Variants in KLRG1 observed in about 807,000 individuals in gnomAD.
KLRG1 encodes the protein killer cell lectin like receptor G1.
Under a neutral mutation model 21.8 loss-of-function variants are expected in KLRG1, and 16 were observed. The ratio of observed to expected loss-of-function variants is 0.73; its 90% CI spans 0.50 to 1.11. The LOEUF (loss-of-function observed/expected upper bound fraction) is 1.11, where lower values mean the gene tolerates loss of function less well. KLRG1 is among the 50% of genes most tolerant of loss of function. The pLI, the probability that KLRG1 is intolerant of heterozygous loss-of-function variation, is 0.00. For missense variants in KLRG1, 173 were observed against 218.3 expected (o/e 0.79, Z 1.31); for synonymous variants, 69 against 75.9 (o/e 0.91, Z 0.47).
At chr12:9,079,542 A>G in the KLRG1 span, 3 of 1,212,248 alleles carry the variant, frequency 2.5e-6, no homozygotes, top group Non-Finnish European at 3.5e-6. Context: ...ATAGTGAGCT[A>G]AGCTAATGTA....
chr12:9,075,793 T>C, the KLRG1 span, among the ~76,000 whole-genome samples: 3 of 152,316 alleles, frequency 2.0e-5, no homozygotes, highest in African/African-American at 7.2e-5. Context: ...GGATAATGAT[T>C]GCCTCTGGAG....
downstream of KLRG1, among the ~76,000 whole-genome samples, chr12:9,015,256 A>G (rs1371357404): frequency 6.6e-6 from 1 of 152,176 alleles, no homozygotes; most frequent in African/African-American, 2.4e-5. Context: ...TCTGTCACCT[A>G]CAAGAAACAC....
the KLRG1 span, among the ~76,000 whole-genome samples, chr12:9,092,975 G>A: frequency 6.6e-6 from 1 of 152,198 alleles, no homozygotes; most frequent in Non-Finnish European, 1.5e-5. Flanking sequence ...ACCTGGGGGA[G>A]ATTATGCTAA....
At chr12:9,165,215 A>G in the KLRG1 span, 2 of 1,614,084 alleles carry the variant, frequency 1.2e-6, no homozygotes, top group Non-Finnish European at 1.7e-6. Context: ...AGAGTAAGGC[A>G]TTGTGAGCTC....
chr12:9,157,508 G>A, the KLRG1 span, among the ~76,000 whole-genome samples: 2 of 152,130 alleles, frequency 1.3e-5, no homozygotes, highest in Admixed American at 6.5e-5. Context: ...AAAATATTTC[G>A]ATCTCTTCCC....
chr12:9,164,211 T>A, the KLRG1 span: 4 of 1,611,604 alleles, frequency 2.5e-6, no homozygotes, highest in African/African-American at 5.3e-5. Flanking sequence ...TCTCCCTTTG[T>A]ATTTTGGGAA....
chr12:9,073,163 G>T, the KLRG1 span, among the ~76,000 whole-genome samples: 1 of 152,146 alleles, frequency 6.6e-6, no homozygotes, highest in African/African-American at 2.4e-5. Flanking sequence ...CATGTGAATG[G>T]CAATCAGTTA....
chr12:9,200,421 T>C, the KLRG1 span: 2 of 1,611,398 alleles, frequency 1.2e-6, no homozygotes, highest in South Asian at 1.1e-5. Flanking sequence ...CTTTGGCACC[T>C]GAACTTTGAC....
rs775433707 is a variant in KLRG1 at position 9,009,011 on chromosome 12, T to C, written c.394T>C (p.Trp132Arg). ...AGTTTTCCTCAGTGAGGCCTTTTGC[T>C]GGATTGGTCTGAGGAACAATTCTGG... The part of the protein sequence containing the change: ...LQVFLSEAFC[W>R]IGLRNNSGWR... Residue 132 changes from tryptophan (W) to arginine (R), a missense_variant, in exon 4 of 5, where the codon TGG (tryptophan) becomes CGG (arginine). This residue lies in a region of KLRG1 where 144 missense variants were observed against 161.5 expected (regional missense o/e 0.89). Coordinates refer to ENST00000356986, the MANE Select transcript of KLRG1 (RefSeq NM_005810.4). 11 of 1,613,964 alleles carry C rather than the reference T, an allele frequency of 6.8e-6. No homozygotes were observed. The highest frequency in any genetic ancestry group is 4.2e-6 in the Non-Finnish European group (5 of 1,179,936).
the KLRG1 span, chr12:9,156,052 C>A: frequency 4.9e-6 from 1 of 205,572 alleles, no homozygotes; most frequent in Non-Finnish European, 1.0e-5. Flanking sequence ...CTGGTAGTTT[C>A]TGAGATTAGA....
the KLRG1 span, among the ~76,000 whole-genome samples, chr12:9,055,348 C>T: frequency 1.3e-5 from 2 of 152,230 alleles, no homozygotes; most frequent in African/African-American, 2.4e-5. Flanking sequence ...ACACTCTTGT[C>T]ACTAATCTTC....
the KLRG1 span, chr12:9,204,028 C>T: frequency 7.4e-7 from 1 of 1,346,100 alleles, no homozygotes; most frequent in Non-Finnish European, 1.0e-6. Context: ...GTTTTCATAA[C>T]AATATGTATT....
At chr12:9,079,992 A>G in the KLRG1 span, 3 of 938,302 alleles carry the variant, frequency 3.2e-6, no homozygotes, top group Non-Finnish European at 4.6e-6. Flanking sequence ...GAGAAGAAAG[A>G]AGTTAAAATT....
the KLRG1 span, among the ~76,000 whole-genome samples, chr12:9,132,629 T>C: frequency 3.3e-5 from 5 of 152,108 alleles, no homozygotes; most frequent in Middle Eastern, 3.4e-3. Context: ...CAGTGTTCAG[T>C]TGGAAGAAAA....
downstream of KLRG1, among the ~76,000 whole-genome samples, chr12:9,011,565 T>C (rs1189738975): frequency 6.6e-6 from 1 of 151,526 alleles, no homozygotes; most frequent in Non-Finnish European, 1.5e-5. Flanking sequence ...CAGGAGGAGG[T>C]GGAGCAAGAA....
the KLRG1 span, among the ~76,000 whole-genome samples, chr12:9,081,626 C>T: frequency 2.6e-5 from 4 of 152,214 alleles, no homozygotes; most frequent in African/African-American, 9.6e-5. Flanking sequence ...AATGGTCTCA[C>T]TTTGACCATG....
chr12:8,958,397 T>C (rs12424026), intron 1 of KLRG1, among the ~76,000 whole-genome samples: 55,058 of 152,082 alleles, frequency 0.36, 11,224 homozygotes, highest in Middle Eastern at 0.47. Flanking sequence ...TTAGTTGATA[T>C]CTTTATTATT....
the KLRG1 span, among the ~76,000 whole-genome samples, chr12:9,056,218 A>C: frequency 6.6e-6 from 1 of 152,178 alleles, no homozygotes; most frequent in East Asian, 1.9e-4. Context: ...GCTTTGACCT[A>C]TTTAAGGACT....
chr12:9,196,459 A>G, the KLRG1 span: 1 of 1,588,608 alleles, frequency 6.3e-7, no homozygotes, highest in Non-Finnish European at 8.6e-7. Flanking sequence ...ATAAAGAGTC[A>G]GTACTTTTAG....
Sources: allele counts gnomAD v4.1 joint callset (sites outside exome capture counted in the v4.1 genomes callset), GRCh38; gene constraint gnomAD v4.1.1; regional missense constraint gnomAD v4.1.1; transcripts MANE v1.5; gene names NCBI Gene and HGNC (gene_info 2026-07-23, HGNC 2026-07-21).